The following PTPN12 variants were observed in gnomAD, a reference collection of about 807,000 sequenced individuals.
PTPN12 encodes the protein tyrosine-protein phosphatase non-receptor type 12.
A neutral mutation model predicts 97.6 loss-of-function variants in PTPN12; 29 were observed. The observed-to-expected ratio is 0.30, with a 90% confidence interval of 0.22 to 0.41. PTPN12 has a LOEUF of 0.41. Ranked by LOEUF, PTPN12 falls within the 10% of genes least tolerant of loss-of-function variation. PTPN12 has a pLI of 1.00. For synonymous variants in PTPN12, 327 were observed against 300.4 expected (o/e 1.09, Z -0.91); for missense variants, 819 against 926.0 (o/e 0.88, Z 1.50).
chr7:77,620,616 T>C (rs928344386), intron 12 of PTPN12, among the ~76,000 whole-genome samples: 1 of 152,244 alleles, frequency 6.6e-6, no homozygotes, highest in East Asian at 1.9e-4. Flanking sequence ...TATTTTGTTT[T>C]TCAGTATGGC....
At chr7:77,607,465 G>A (rs913092574) in intron 9 of PTPN12, 164 bp downstream of exon 9, 5 of 522,008 alleles carry the variant, frequency 9.6e-6, no homozygotes, top group Non-Finnish European at 1.3e-5. Context: ...GGGCACAGTG[G>A]CTTACGCCTG....
At chr7:77,561,049 C>G (rs942576229) in intron 1 of PTPN12, among the ~76,000 whole-genome samples, 1 of 152,100 alleles carries the variant, frequency 6.6e-6, no homozygotes, top group Non-Finnish European at 1.5e-5. Flanking sequence ...CATATCCTTG[C>G]CAATACCTGT....
chr7:77,569,695 T>C (rs1005707342), intron 1 of PTPN12, among the ~76,000 whole-genome samples: 6 of 152,182 alleles, frequency 3.9e-5, no homozygotes, highest in Non-Finnish European at 8.8e-5. Flanking sequence ...TGCTTGAACC[T>C]GGGAAGCCGA....
At position 77,607,323 on chromosome 7, in the gene PTPN12, A is replaced by G. The variant is rs753972719; in HGVS notation, c.762+22A>G. ...TGGGGTAAGAATAATTTTTTGTAGCATTATGTTCAATTGATCTATTATGAT... is the reference window on the plus strand; with the variant it reads ...TGGGGTAAGAATAATTTTTTGTAGCGTTATGTTCAATTGATCTATTATGAT... On this transcript the variant is annotated intron_variant, in intron 9 of 17. Coordinates refer to ENST00000248594, the MANE Select transcript of PTPN12 (RefSeq NM_002835.4). The G allele has an allele frequency of 5.4e-6, 8 of 1,468,610 alleles. No homozygotes were observed. In the East Asian group the frequency reaches 1.6e-4, roughly 29 times the overall value. The allele number at this position is 1,468,610 out of a possible 1,614,324, so 91.0% of individuals were successfully genotyped here. A position where few individuals can be genotyped will look rare whatever the true frequency, so the allele number is the denominator to read the frequency against.
intron 1 of PTPN12, among the ~76,000 whole-genome samples, chr7:77,557,344 T>C (rs1807767415): frequency 6.6e-6 from 1 of 152,192 alleles, no homozygotes; most frequent in Non-Finnish European, 1.5e-5. Context: ...AGGTTTCTTA[T>C]GGAAGTTTGC....
chr7:77,625,472 G>GCGCTCTCTCTCTCTCTCT (rs1554326597), intron 12 of PTPN12, among the ~76,000 whole-genome samples: 5 of 33,522 alleles, frequency 1.5e-4, no homozygotes, highest in Admixed American at 1.0e-3. Flanking sequence ...CAGGCTGCTC[G>GCGCTCTCTCTCTCTCTCT]CTCTCTCTCT....
intron 10 of PTPN12, 42 bp downstream of exon 10, chr7:77,610,884 A>G (rs771809696): frequency 3.8e-6 from 6 of 1,585,326 alleles, no homozygotes; most frequent in Non-Finnish European, 4.3e-6. Context: ...TATTTTATAA[A>G]TGCTTTCTTC....
Position 77,611,124 on chromosome 7 carries a change from T to C in PTPN12, c.939+78T>C, listed in dbSNP as rs1267061622. 7 of 1,135,434 alleles carry C rather than the reference T, an allele frequency of 6.2e-6. No individual in the cohort carries two copies. The East Asian group carries it at 1.4e-4, about 23-fold the overall frequency. The allele number at this position is 1,135,434 out of a possible 1,614,324, so 70.3% of individuals were successfully genotyped here. A position where few individuals can be genotyped will look rare whatever the true frequency, so the allele number is the denominator to read the frequency against. On this transcript the variant is annotated intron_variant, in intron 11 of 17. Transcript: ENST00000248594. Reference sequence around the variant, plus strand: ...GTAATATTTAGCCTTTTTTTTGTTGTCTTGTGTTTTGTCTAACATGAGAAG... The same window carrying C: ...GTAATATTTAGCCTTTTTTTTGTTGCCTTGTGTTTTGTCTAACATGAGAAG...
At chr7:77,565,759 T>A (rs1219587094) in intron 1 of PTPN12, among the ~76,000 whole-genome samples, 1 of 152,250 alleles carries the variant, frequency 6.6e-6, no homozygotes, top group Non-Finnish European at 1.5e-5. Context: ...GGAAATTGTT[T>A]AAAGCAAAGT....
intron 1 of PTPN12, among the ~76,000 whole-genome samples, chr7:77,540,270 C>A (rs1806896660): frequency 6.7e-6 from 1 of 150,088 alleles, no homozygotes; most frequent in African/African-American, 2.5e-5. Flanking sequence ...TAACACCTCG[C>A]TGTGTCGCCC....
intron 6 of PTPN12, among the ~76,000 whole-genome samples, chr7:77,594,930 A>G (rs1237351467): frequency 6.6e-6 from 1 of 152,218 alleles, no homozygotes; most frequent in East Asian, 1.9e-4. Context: ...ATAGTAAACA[A>G]TTTACAATAA....
rs996014711 is a variant in PTPN12, at chr7:77,637,716, G to A, written c.2173+668G>A. Among the ~76,000 whole-genome samples, 6 of 151,526 alleles carry A rather than the reference G, an allele frequency of 4.0e-5. No individual in the cohort carries two copies. The East Asian group carries it at 7.9e-4, about 20-fold the overall frequency. On this transcript the variant is annotated intron_variant, in intron 16 of 17. Transcript: ENST00000248594. ...TACTAAAAATAAAAAAAATAGCTAG[G>A]CGTCATGCCATCTGCCTGTAATCCC...
intron 1 of PTPN12, among the ~76,000 whole-genome samples, chr7:77,567,673 C>CT (rs1433582756): frequency 2.0e-5 from 3 of 152,192 alleles, no homozygotes; most frequent in Non-Finnish European, 2.9e-5. Context: ...TCAAATTTGA[C>CT]AAACTGCTTT....
chr7:77,611,507 C>A (rs1788568621), intron 11 of PTPN12, among the ~76,000 whole-genome samples: 1 of 152,144 alleles, frequency 6.6e-6, no homozygotes, highest in African/African-American at 2.4e-5. Flanking sequence ...TGCAATGGCA[C>A]AGTCTCAGCT....
chr7:77,598,773 T>C (rs919674077), intron 7 of PTPN12, among the ~76,000 whole-genome samples: 6 of 151,708 alleles, frequency 4.0e-5, no homozygotes, highest in East Asian at 3.9e-4. Context: ...ATGGGTTTGC[T>C]AGAAAATTAT....
At position 77,636,234 on chromosome 7, in the gene PTPN12, G is replaced by GT. The variant is rs1367581958; in HGVS notation, c.2142+392dup. Among the ~76,000 whole-genome samples, 22 of 151,608 alleles carry GT rather than the reference G, an allele frequency of 1.5e-4. No homozygotes were observed. The East Asian group carries it at 3.5e-3, about 24-fold the overall frequency. ...CACTAGGCACATAGTCGCTTCTTTT[G>GT]TTTTTTTCTGGCTACCTGGCATTTC... On this transcript the variant is annotated intron_variant, in intron 15 of 17. Transcript: ENST00000248594.
chr7:77,597,898 A>G lies in PTPN12; in HGVS notation c.549A>G (p.Gln183=), dbSNP rs781160122. The stretch of plus-strand genomic sequence containing the variant: ...TCAGGACACTCTTACTTGAATTTCA[A>G]AATGTAGGTACTTACCATTTATAGA... ...YFIRTLLLEF[Q]NESRRLYQFH... is the part of the protein sequence containing the mutation. Residue 183 remains glutamine, a synonymous_variant, in exon 7 of 18, where the codon CAA becomes CAG. Coordinates refer to ENST00000248594, the MANE Select transcript of PTPN12 (RefSeq NM_002835.4). 3.1e-6 allele frequency: 5 copies of G among 1,612,744 alleles called. No homozygotes were observed. Among genetic ancestry groups the G allele is most frequent in the South Asian group, 1.1e-5 (1 of 90,612 alleles).
Position 77,633,977 on chromosome 7 carries a change from C to G in PTPN12, c.2074+1552C>G, listed in dbSNP as rs922435134. The stretch of plus-strand genomic sequence containing the variant: ...TGCAGAGGTTGCAGCGAGCTGAGAC[C>G]ACGCCATTGCATTCCAGCCTGGGCA... On this transcript the variant is annotated intron_variant, in intron 14 of 17. Coordinates refer to ENST00000248594, the MANE Select transcript of PTPN12 (RefSeq NM_002835.4). Among the ~76,000 whole-genome samples the G allele has an allele frequency of 7.2e-5, 11 of 152,008 alleles. 1 individual carries two copies. The highest frequency in any genetic ancestry group is 1.5e-5 in the Non-Finnish European group (1 of 67,998).
rs141642584 is a variant in PTPN12 at position 77,587,557 on chromosome 7, A to G, written c.420+1976A>G. On this transcript the variant is annotated intron_variant, in intron 5 of 17. Coordinates refer to ENST00000248594, the MANE Select transcript of PTPN12 (RefSeq NM_002835.4). Reference sequence around the variant, plus strand: ...GGACAGACAGAGTACATTTGGCATGATTTTTAGAGCCCTTAGGATTTTCAG... The same window carrying G: ...GGACAGACAGAGTACATTTGGCATGGTTTTTAGAGCCCTTAGGATTTTCAG... Among the ~76,000 whole-genome samples, 11 of 152,324 alleles carry G rather than the reference A, an allele frequency of 7.2e-5. No homozygotes were observed. In the East Asian group the frequency reaches 1.9e-3, roughly 27 times the overall value.
Sources: gnomAD v4.1 joint callset for allele counts (sites outside exome capture counted in the v4.1 genomes callset) on GRCh38, gnomAD v4.1.1 for gene constraint, MANE v1.5 for transcripts, NCBI Gene and HGNC (gene_info 2026-07-23, HGNC 2026-07-21) for gene names.